MTHFD2L: variants seen among roughly 807,000 people sequenced by gnomAD.
The protein encoded by MTHFD2L is bifunctional methylenetetrahydrofolate dehydrogenase/cyclohydrolase 2, mitochondrial.
Under a neutral mutation model 34.9 loss-of-function variants are expected in MTHFD2L, and 29 were observed. The ratio of observed to expected loss-of-function variants is 0.83; its 90% CI spans 0.62 to 1.13. MTHFD2L has a LOEUF of 1.13. MTHFD2L is among the 50% of genes most tolerant of loss of function. The pLI is 0.00. For synonymous variants in MTHFD2L, 167 were observed against 155.7 expected (o/e 1.07, Z -0.54); for missense variants, 481 against 446.5 (o/e 1.08, Z -0.70).
chr4:74,285,667 CA>C (rs1317119766), intron 7 of MTHFD2L, among the ~76,000 whole-genome samples: 2 of 151,930 alleles, frequency 1.3e-5, no homozygotes, highest in African/African-American at 4.8e-5. Context: ...AATGTTTTGA[CA>C]AAAAATTTTT....
intron 7 of MTHFD2L, chr4:74,293,363 T>C (rs1749230280): frequency 5.6e-6 from 1 of 179,978 alleles, no homozygotes; most frequent in Non-Finnish European, 1.1e-5. Flanking sequence ...GATGACCAGA[T>C]ATATACAGAT....
At chr4:74,234,056 G>T (rs1050429194) in intron 6 of MTHFD2L, among the ~76,000 whole-genome samples, 5 of 151,978 alleles carry the variant, frequency 3.3e-5, no homozygotes, top group Non-Finnish European at 7.4e-5. Flanking sequence ...GAGAATCACA[G>T]ACTTCCTTGG....
At chr4:74,278,416 C>G (rs1487677645) in intron 6 of MTHFD2L, among the ~76,000 whole-genome samples, 1 of 152,130 alleles carries the variant, frequency 6.6e-6, no homozygotes, top group African/African-American at 2.4e-5. Context: ...AGTAACCATT[C>G]TGTCCAATTT....
chr4:74,245,429 A>C (rs1488344363), intron 6 of MTHFD2L, among the ~76,000 whole-genome samples: 1 of 152,032 alleles, frequency 6.6e-6, no homozygotes, highest in African/African-American at 2.4e-5. Context: ...AATATAAGTC[A>C]TTAAGTAATT....
At chr4:74,204,492 A>G (rs1734971791) in intron 5 of MTHFD2L, among the ~76,000 whole-genome samples, 1 of 152,058 alleles carries the variant, frequency 6.6e-6, no homozygotes, top group East Asian at 1.9e-4. Flanking sequence ...CTTCTGGTGG[A>G]TTTTGTTTTT....
chr4:74,249,886 C>T (rs1209611487), intron 6 of MTHFD2L, among the ~76,000 whole-genome samples: 2 of 152,112 alleles, frequency 1.3e-5, no homozygotes, highest in Admixed American at 6.6e-5. Flanking sequence ...GTAGGTAACC[C>T]GACCTTTCTT....
At position 74,239,771 on chromosome 4, in the gene MTHFD2L, G is replaced by A. The variant is rs140606709; in HGVS notation, c.805+14377G>A. On this transcript the variant is annotated intron_variant, in intron 6 of 7. Coordinates refer to ENST00000325278, the MANE Select transcript of MTHFD2L (RefSeq NM_001144978.3). ...AAGATAATAATCAATATAAGAATCAGATATTACATTGTAAAAAGGGGCAAG... is the reference window on the plus strand; with the variant it reads ...AAGATAATAATCAATATAAGAATCAAATATTACATTGTAAAAAGGGGCAAG... Among the ~76,000 whole-genome samples, 260 of 152,220 alleles carry A rather than the reference G, an allele frequency of 1.7e-3. 1 individual carries two copies. The highest frequency in any genetic ancestry group is 2.6e-3 in the Non-Finnish European group (179 of 68,004).
chr4:74,157,241 T>C (rs1258059412), upstream of MTHFD2L: 2 of 193,430 alleles, frequency 1.0e-5, no homozygotes, highest in African/African-American at 2.4e-5. Flanking sequence ...TGACAGTCTA[T>C]GATTTTAAAA....
chr4:74,187,448 T>C (rs1731504923), intron 3 of MTHFD2L, among the ~76,000 whole-genome samples: 2 of 152,100 alleles, frequency 1.3e-5, no homozygotes, highest in South Asian at 4.1e-4. Flanking sequence ...GCAAAAATGG[T>C]AAAAGTATTT....
chr4:74,294,803 T>A (rs201667952), intron 7 of MTHFD2L, among the ~76,000 whole-genome samples: 9 of 152,228 alleles, frequency 5.9e-5, no homozygotes, highest in African/African-American at 1.2e-4. Context: ...AAGTTTTAGT[T>A]CTTCCTTTTA....
chr4:74,290,398 C>G (rs1434049493), intron 7 of MTHFD2L, among the ~76,000 whole-genome samples: 1 of 152,114 alleles, frequency 6.6e-6, no homozygotes, highest in Non-Finnish European at 1.5e-5. Flanking sequence ...TTATGTCCAA[C>G]CTTTCATAAA....
At chr4:74,168,464 T>C (rs1578322302) in intron 1 of MTHFD2L, among the ~76,000 whole-genome samples, 1 of 152,236 alleles carries the variant, frequency 6.6e-6, no homozygotes, top group African/African-American at 2.4e-5. Context: ...AACCCACCTA[T>C]GTAAAATAAC....
chr4:74,215,380 G>A (rs532915906), intron 5 of MTHFD2L, among the ~76,000 whole-genome samples: 3 of 151,828 alleles, frequency 2.0e-5, no homozygotes, highest in Non-Finnish European at 2.9e-5. Flanking sequence ...TGGGAAAAGC[G>A]TAGTATCTGG....
intron 6 of MTHFD2L, among the ~76,000 whole-genome samples, chr4:74,273,697 A>G (rs1175842920): frequency 6.6e-6 from 1 of 152,188 alleles, no homozygotes; most frequent in Non-Finnish European, 1.5e-5. Context: ...TACATGTACA[A>G]AGAAAGAGTC....
chr4:74,156,959 T>C (rs1281557656), upstream of MTHFD2L: 1 of 152,226 alleles, frequency 6.6e-6, no homozygotes, highest in African/African-American at 2.4e-5. Context: ...GTGTAAGTCT[T>C]GTAAAAATGT....
intron 5 of MTHFD2L, among the ~76,000 whole-genome samples, chr4:74,220,731 A>G (rs1347997955): frequency 1.3e-5 from 2 of 151,584 alleles, no homozygotes; most frequent in Non-Finnish European, 3.0e-5. Context: ...ATTTTCTAAG[A>G]TGTTATATAT....
chr4:74,168,966 G>A (rs1395294813), intron 1 of MTHFD2L, among the ~76,000 whole-genome samples: 2 of 152,164 alleles, frequency 1.3e-5, no homozygotes, highest in Non-Finnish European at 2.9e-5. Flanking sequence ...ACCAATACAG[G>A]CACTCTCTCA....
rs574993175 is a variant in MTHFD2L at position 74,202,226 on chromosome 4, A to C, written c.712+856A>C. On this transcript the variant is annotated intron_variant, in intron 5 of 7. Transcript: ENST00000325278. ...CACTAGAGTGTAATTGACATTGTGG[A>C]CTTCCCAAGTAGAAAGCAATTAAGC... Among the ~76,000 whole-genome samples the C allele has an allele frequency of 2.0e-3, 306 of 152,326 alleles. 1 individual carries two copies. The highest frequency in any genetic ancestry group is 3.4e-3 in the Middle Eastern group (1 of 294).
intron 6 of MTHFD2L, among the ~76,000 whole-genome samples, chr4:74,277,548 C>T (rs1746838168): frequency 1.3e-5 from 2 of 152,152 alleles, no homozygotes; most frequent in South Asian, 4.1e-4. Flanking sequence ...TACAACTAAC[C>T]TTCCCAGTTC....
Sources: allele counts gnomAD v4.1 joint callset (sites outside exome capture counted in the v4.1 genomes callset), GRCh38; gene constraint gnomAD v4.1.1; transcripts MANE v1.5; gene names NCBI Gene and HGNC (gene_info 2026-07-23, HGNC 2026-07-21).